RYR2: variants seen among roughly 807,000 people sequenced by gnomAD.
RYR2 encodes the protein cardiac muscle ryanodine receptor-calcium release channel.
Under a neutral mutation model 601.1 loss-of-function variants are expected in RYR2, and 227 were observed. The observed-to-expected ratio is 0.38, with a 90% CI of 0.34 to 0.42. The LOEUF (loss-of-function observed/expected upper bound fraction) is 0.42. RYR2 is among the 10% of genes least tolerant of loss of function. The pLI is 1.00. For missense variants in RYR2, 4,646 were observed against 6,156.5 expected (o/e 0.75, Z 8.21); for synonymous variants, 2,223 against 2,175.1 (o/e 1.02, Z -0.61).
intron 1 of RYR2, among the ~76,000 whole-genome samples, chr1:237,254,279 A>G (rs1321761443): frequency 2.0e-5 from 3 of 152,152 alleles, no homozygotes; most frequent in African/African-American, 4.8e-5. Context: ...GCTGAAGGTC[A>G]TTGTGTTGTG....
intron 2 of RYR2, among the ~76,000 whole-genome samples, chr1:237,290,485 A>C (rs1489071100): frequency 6.6e-6 from 1 of 152,250 alleles, no homozygotes; most frequent in Non-Finnish European, 1.5e-5. Context: ...ATCAAGTTGT[A>C]TACTTATAAG....
chr1:237,535,023 C>A (rs1030540926), intron 25 of RYR2, among the ~76,000 whole-genome samples: 20 of 151,688 alleles, frequency 1.3e-4, no homozygotes, highest in African/African-American at 4.8e-4. Context: ...TATAATACCT[C>A]ATTATTAACT....
chr1:237,708,750 A>G (rs750641835), intron 68 of RYR2, 108 bp from the exon 69 acceptor site: 152 of 974,746 alleles, frequency 1.6e-4, no homozygotes, highest in Admixed American at 2.1e-4. Context: ...TAAGGAAGTC[A>G]TGTGCTGGAG....
At chr1:237,820,082 G>A (rs572502389) in intron 101 of RYR2, among the ~76,000 whole-genome samples, 1 of 151,124 alleles carries the variant, frequency 6.6e-6, no homozygotes, top group African/African-American at 2.4e-5. Flanking sequence ...AGCTACTCAG[G>A]AGACTGAGGC....
chr1:237,799,788 C>G (rs112762205), intron 97 of RYR2, among the ~76,000 whole-genome samples: 3,796 of 152,152 alleles, frequency 0.025, 164 homozygotes, highest in African/African-American at 0.087. Context: ...GGTATGTGCA[C>G]CTTTAAATAA....
intron 4 of RYR2, among the ~76,000 whole-genome samples, chr1:237,359,722 G>A (rs1413555358): frequency 2.6e-5 from 4 of 151,214 alleles, no homozygotes; most frequent in Non-Finnish European, 5.9e-5. Context: ...CTGTCTCTTT[G>A]AGCAGCTGTG....
intron 48 of RYR2, among the ~76,000 whole-genome samples, 183 bp downstream of exon 48, chr1:237,643,630 T>TG (rs1681812567): frequency 6.6e-6 from 1 of 151,648 alleles, no homozygotes; most frequent in Non-Finnish European, 1.5e-5. Context: ...TTTTTTTTTT[T>TG]GAATTAGAGC....
rs760656543 is a variant in RYR2, at chr1:237,778,818, CTG to C, written c.11880+50_11880+51del. The C allele has an allele frequency of 9.8e-5, 86 of 880,334 alleles. 2 individuals carry two copies. In the South Asian group the frequency reaches 1.2e-3, roughly 12 times the overall value. The allele number at this position is 880,334 out of a possible 1,614,324, so 54.5% of individuals were successfully genotyped here. A position where few individuals can be genotyped will look rare whatever the true frequency, so the allele number is the denominator to read the frequency against. On this transcript the variant is annotated intron_variant, in intron 88 of 104. Transcript: ENST00000366574. ...TCTCTCTTAAATGACAAACTGGAGA[CTG>C]TAATCATCAGCAAATTAAACATGCT...
chr1:237,127,407 C>T lies in RYR2; in HGVS notation c.48+84838C>T, dbSNP rs560378676. ...CTCCCGGACGGGGCGGCTGGCCGGG[C>T]GGGGGGCTGACCCCCCCACCTCCCT... On this transcript the variant is annotated intron_variant, in intron 1 of 104. Coordinates refer to ENST00000366574, the MANE Select transcript of RYR2 (RefSeq NM_001035.3). 4.9e-3 allele frequency among the ~76,000 whole-genome samples: 715 copies of T among 146,430 alleles called. 5 individuals carry two copies. Among genetic ancestry groups the T allele is most frequent in the Middle Eastern group, 8.3e-3 (2 of 240 alleles).
intron 4 of RYR2, among the ~76,000 whole-genome samples, chr1:237,358,820 C>T (rs763513404): frequency 6.6e-6 from 1 of 152,086 alleles, no homozygotes; most frequent in Non-Finnish European, 1.5e-5. Context: ...ATCCCTGAAG[C>T]TACCCTTGCT....
chr1:237,536,825 G>A (rs1309311933), intron 25 of RYR2, among the ~76,000 whole-genome samples: 2 of 151,124 alleles, frequency 1.3e-5, no homozygotes, highest in African/African-American at 2.4e-5. Flanking sequence ...GGCGGAGCTT[G>A]CAGTGAGCCG....
At chr1:237,627,719 T>C in intron 40 of RYR2, 88 bp from the exon 41 acceptor site, 1 of 1,327,570 alleles carries the variant, frequency 7.5e-7, no homozygotes, top group Non-Finnish European at 1.0e-6. Flanking sequence ...AAATACCAAT[T>C]TGGGGGTACA....
intron 34 of RYR2, among the ~76,000 whole-genome samples, chr1:237,601,279 C>T (rs35851096): frequency 0.051 from 7,731 of 152,148 alleles, 274 homozygotes; most frequent in East Asian, 0.13. Flanking sequence ...CTGTCATTCG[C>T]ACCAATATGG....
At chr1:237,667,668 C>A (rs1684445446) in intron 57 of RYR2, among the ~76,000 whole-genome samples, 1 of 152,154 alleles carries the variant, frequency 6.6e-6, no homozygotes, top group Admixed American at 6.6e-5. Context: ...ATAACAATGA[C>A]CATTTTCATT....
intron 41 of RYR2, among the ~76,000 whole-genome samples, chr1:237,629,591 T>C (rs560470132): frequency 1.3e-5 from 2 of 151,822 alleles, no homozygotes; most frequent in East Asian, 3.9e-4. Context: ...GAGGAGATAA[T>C]AAAGGTAACT....
Position 237,541,030 on chromosome 1 carries a change from A to G in RYR2, c.2907-7401A>G, listed in dbSNP as rs555783208. Among the ~76,000 whole-genome samples the G allele has an allele frequency of 3.3e-5, 5 of 152,328 alleles. No homozygotes were observed. In the East Asian group the frequency reaches 9.6e-4, roughly 29 times the overall value. On this transcript the variant is annotated intron_variant, in intron 25 of 104. Transcript: ENST00000366574. The stretch of plus-strand genomic sequence containing the variant: ...GTATACTGTTTACATAGACACAAGC[A>G]CATGTACAAAATTCACTTTGGTAAA...
intron 33 of RYR2, among the ~76,000 whole-genome samples, chr1:237,593,887 G>A (rs1188182001): frequency 2.6e-5 from 4 of 152,120 alleles, no homozygotes; most frequent in South Asian, 2.1e-4. Context: ...ATTCCTTCAG[G>A]TAACATGACT....
At chr1:237,109,280 C>T (rs1424745900) in intron 1 of RYR2, among the ~76,000 whole-genome samples, 1 of 151,392 alleles carries the variant, frequency 6.6e-6, no homozygotes, top group Non-Finnish European at 1.5e-5. Context: ...AGGGAAGTCC[C>T]ATGAATGCTT....
rs1265520740 is a variant in RYR2 at position 237,100,547 on chromosome 1, C to T, written c.48+57978C>T. On this transcript the variant is annotated intron_variant, in intron 1 of 104. Coordinates refer to ENST00000366574, the MANE Select transcript of RYR2 (RefSeq NM_001035.3). The stretch of plus-strand genomic sequence containing the variant: ...GATTACAGGCGCCCACCACCACACC[C>T]GGCTATTTCTGTATTTTTAGCAGAG... Among the ~76,000 whole-genome samples the T allele has an allele frequency of 3.9e-5, 6 of 152,044 alleles. No individual in the cohort carries two copies. In the South Asian group the frequency reaches 6.2e-4, roughly 16 times the overall value.
Sources: gnomAD v4.1 joint callset for allele counts (sites outside exome capture counted in the v4.1 genomes callset) on GRCh38, gnomAD v4.1.1 for gene constraint, MANE v1.5 for transcripts, NCBI Gene and HGNC (gene_info 2026-07-23, HGNC 2026-07-21) for gene names.